Variants in GRIK4 observed in about 807,000 individuals in gnomAD.
The protein encoded by GRIK4 is glutamate ionotropic receptor kainate type subunit 4.
A neutral mutation model predicts 104.9 loss-of-function variants in GRIK4; 40 were observed. The ratio of observed to expected loss-of-function variants is 0.38; its 90% CI spans 0.30 to 0.50. The LOEUF is 0.50. Among genes scored for constraint, GRIK4 ranks in the 20% least tolerant of loss-of-function variants. The probability of loss-of-function intolerance (pLI) is 0.93; values close to 1 mark genes in which losing one functional copy is unlikely to be tolerated. For missense variants in GRIK4, 1,047 were observed against 1,308.1 expected (o/e 0.80, Z 3.08); for synonymous variants, 485 against 524.9 (o/e 0.92, Z 1.04).
At chr11:120,716,854 G>A (rs1242757877) in intron 3 of GRIK4, among the ~76,000 whole-genome samples, 1 of 152,154 alleles carries the variant, frequency 6.6e-6, no homozygotes, top group African/African-American at 2.4e-5. Flanking sequence ...GGATCCACAG[G>A]AGAGGGTGGT....
intron 3 of GRIK4, among the ~76,000 whole-genome samples, chr11:120,760,408 G>T (rs1291363354): frequency 4.2e-5 from 6 of 141,740 alleles, no homozygotes; most frequent in African/African-American, 1.3e-4. Context: ...TATAAACATA[G>T]ATATACATAT....
Position 120,623,745 on chromosome 11 carries a change from C to T in GRIK4, c.-158-29940C>T, listed in dbSNP as rs550616725. Among the ~76,000 whole-genome samples, 143 of 152,254 alleles carry T rather than the reference C, an allele frequency of 9.4e-4. 1 individual carries two copies. Among genetic ancestry groups the T allele is most frequent in the Admixed American group, 1.5e-3 (23 of 15,302 alleles). On this transcript the variant is annotated intron_variant, in intron 1 of 20. Coordinates refer to ENST00000527524, the MANE Select transcript of GRIK4 (RefSeq NM_014619.5). Reference sequence around the variant, plus strand: ...TTCATAAATTTAGGAAATTCCTTCCCATCAGAAAGTGAGGTACCCTCAAAG... The same window carrying T: ...TTCATAAATTTAGGAAATTCCTTCCTATCAGAAAGTGAGGTACCCTCAAAG...
intron 3 of GRIK4, among the ~76,000 whole-genome samples, chr11:120,767,953 T>C (rs1951868565): frequency 6.6e-6 from 1 of 152,202 alleles, no homozygotes; most frequent in Non-Finnish European, 1.5e-5. Flanking sequence ...ACTACAACTT[T>C]GTAATATAAT....
At chr11:120,601,701 G>C (rs926662507) in intron 1 of GRIK4, among the ~76,000 whole-genome samples, 1 of 146,610 alleles carries the variant, frequency 6.8e-6, no homozygotes, top group Non-Finnish European at 1.5e-5. Context: ...AAGGGGCTGA[G>C]ATGAGCAAAA....
chr11:120,582,475 C>T (rs936390672), intron 1 of GRIK4, among the ~76,000 whole-genome samples: 3 of 152,190 alleles, frequency 2.0e-5, no homozygotes, highest in Admixed American at 6.5e-5. Flanking sequence ...CCCCTGCCCT[C>T]GAGTAGGCTT....
intron 3 of GRIK4, among the ~76,000 whole-genome samples, chr11:120,769,037 A>G (rs1442272035): frequency 6.6e-6 from 1 of 152,158 alleles, no homozygotes; most frequent in Non-Finnish European, 1.5e-5. Context: ...TTAAGTATCA[A>G]AAGGATGGTC....
intron 3 of GRIK4, among the ~76,000 whole-genome samples, chr11:120,712,283 A>G (rs936894650): frequency 3.9e-5 from 6 of 152,280 alleles, no homozygotes; most frequent in East Asian, 3.9e-4. Context: ...GGTTGGGAAG[A>G]GAGGGGGAAA....
rs570757349 is a variant in GRIK4, at chr11:120,892,110, A to G, written c.1165-6422A>G. Among the ~76,000 whole-genome samples, 5 of 152,278 alleles carry G rather than the reference A, an allele frequency of 3.3e-5. No homozygotes were observed. The South Asian group carries it at 8.3e-4, about 25-fold the overall frequency. ...GAAAGGGGCTGGGGGGCAGGGGTTC[A>G]TGTGGCAAGGAGAGTTCCAGACAGG... On this transcript the variant is annotated intron_variant, in intron 11 of 20. Transcript: ENST00000527524.
chr11:120,699,875 A>T (rs74504274), intron 3 of GRIK4, among the ~76,000 whole-genome samples: 1 of 152,316 alleles, frequency 6.6e-6, no homozygotes, highest in South Asian at 2.1e-4. Flanking sequence ...AGTTTGTATC[A>T]GCAAGGGCCG....
chr11:120,803,223 T>A (rs368728584), intron 4 of GRIK4, among the ~76,000 whole-genome samples: 63 of 152,322 alleles, frequency 4.1e-4, no homozygotes, highest in African/African-American at 1.5e-3. Context: ...CCACTACACA[T>A]CTGACTGCTT....
intron 3 of GRIK4, among the ~76,000 whole-genome samples, chr11:120,733,662 ATGTCATAT>A (rs1412412422): frequency 3.3e-5 from 5 of 151,318 alleles, no homozygotes; most frequent in African/African-American, 1.2e-4. Context: ...GTTTCTCTTT[ATGTCATAT>A]TGTACTATGC....
intron 5 of GRIK4, among the ~76,000 whole-genome samples, chr11:120,818,013 G>A (rs1350767616): frequency 2.0e-5 from 3 of 152,234 alleles, no homozygotes; most frequent in Middle Eastern, 3.2e-3. Context: ...GTTTTGACAA[G>A]TTAAGTGGTT....
At chr11:120,861,657 C>T (rs1260794923) in intron 8 of GRIK4, among the ~76,000 whole-genome samples, 1 of 152,116 alleles carries the variant, frequency 6.6e-6, no homozygotes, top group African/African-American at 2.4e-5. Flanking sequence ...TGGAAAAAAC[C>T]CTGTGTGCCT....
chr11:120,742,707 A>G (rs2852214), intron 3 of GRIK4, among the ~76,000 whole-genome samples: 68,547 of 151,912 alleles, frequency 0.45, 16,625 homozygotes, highest in Middle Eastern at 0.6. Context: ...GCAGTATGGC[A>G]TTTCCACAAA....
intron 20 of GRIK4, among the ~76,000 whole-genome samples, chr11:120,984,777 C>A (rs923090073): frequency 1.5e-5 from 2 of 137,796 alleles, no homozygotes; most frequent in Non-Finnish European, 3.1e-5. Flanking sequence ...CTAAAAAAAA[C>A]CAAAAACAAA....
At chr11:120,695,846 A>G (rs1314124465) in intron 3 of GRIK4, among the ~76,000 whole-genome samples, 2 of 152,210 alleles carry the variant, frequency 1.3e-5, no homozygotes, top group African/African-American at 4.8e-5. Context: ...GACCCAACTG[A>G]GTGCAGCCTC....
chr11:120,726,461 G>A (rs1015836794), intron 3 of GRIK4, among the ~76,000 whole-genome samples: 3 of 152,154 alleles, frequency 2.0e-5, no homozygotes, highest in African/African-American at 7.2e-5. Flanking sequence ...ATGGTAAAAA[G>A]CAATTGAATT....
chr11:120,755,342 C>T (rs780813698), intron 3 of GRIK4, among the ~76,000 whole-genome samples: 4 of 152,086 alleles, frequency 2.6e-5, no homozygotes, highest in Non-Finnish European at 4.4e-5. Context: ...CTCGGTGGCT[C>T]ACACCTATAA....
chr11:120,566,395 G>A (rs752269974), intron 1 of GRIK4, among the ~76,000 whole-genome samples: 1 of 152,208 alleles, frequency 6.6e-6, no homozygotes, highest in Non-Finnish European at 1.5e-5. Flanking sequence ...AAGGTCTCAG[G>A]TGTCAGATAA....
Sources: allele counts gnomAD v4.1 joint callset (sites outside exome capture counted in the v4.1 genomes callset), GRCh38; gene constraint gnomAD v4.1.1; transcripts MANE v1.5; gene names NCBI Gene and HGNC (gene_info 2026-07-23, HGNC 2026-07-21).